Variants in TENM4 observed in about 807,000 individuals in gnomAD.
TENM4 encodes the protein teneurin-4.
In TENM4, 82 loss-of-function variants were observed where a neutral mutation model predicts 243.3. That is an observed-to-expected ratio of 0.34 (90% CI 0.28 to 0.40). The LOEUF is 0.40. TENM4 is among the 10% of genes least tolerant of loss of function. The pLI is 1.00. For synonymous variants in TENM4, 1,412 were observed against 1,456.3 expected, an observed-to-expected ratio of 0.97 and a Z score of 0.69; for missense variants, 3,138 against 3,673.3, an observed-to-expected ratio of 0.85 and a Z score of 3.77.
chr11:79,007,905 T>G (rs2136736182), intron 6 of TENM4, among the ~76,000 whole-genome samples: 1 of 152,284 alleles, frequency 6.6e-6, no homozygotes, highest in Non-Finnish European at 1.5e-5. Context: ...ATCCCTGTCT[T>G]GACTTGATGC....
At position 78,729,615 on chromosome 11, in the gene TENM4, C is replaced by G; in HGVS notation, c.3167G>C (p.Gly1056Ala). The G allele has an allele frequency of 6.2e-7, 1 of 1,612,280 alleles. No homozygotes were observed. Among genetic ancestry groups the G allele is most frequent in the Non-Finnish European group, 8.5e-7 (1 of 1,178,834 alleles). Residue 1056 changes from glycine (G) to alanine (A), a missense_variant, in exon 22 of 34, where the codon GGC (glycine) becomes GCC (alanine). By Grantham distance (60) the Gly-to-Ala change is moderately conservative. Around this residue, in one of 2 missense-constraint regions of TENM4, gnomAD observed 2,467 missense variants for 3,059.1 expected, o/e 0.81. Transcript: ENST00000278550. ...CAGGTAGCTCAGCCTCATCTTGCAG[C>G]CAGAGATAGAGATTTCCTCCTGCAA... Reference protein sequence around the residue: ...QALQEEISISGCKMRLSYLSS... With the variant: ...QALQEEISISACKMRLSYLSS...
intron 6 of TENM4, among the ~76,000 whole-genome samples, chr11:79,041,254 G>A (rs1859519441): frequency 6.6e-6 from 1 of 152,036 alleles, no homozygotes; most frequent in African/African-American, 2.4e-5. Flanking sequence ...AGTAGAGATG[G>A]GGTTTCGCTA....
rs1859324956 is a variant in TENM4 at position 79,438,449 on chromosome 11, C to T, written c.-321+2060G>A. Among the ~76,000 whole-genome samples the T allele has an allele frequency of 6.6e-6, 1 of 152,272 alleles. No homozygotes were observed. The highest frequency in any genetic ancestry group is 6.5e-5 in the Admixed American group (1 of 15,294). Reference sequence around the variant, plus strand: ...CCCAGCCCCATCCCGTCCCCATCAGCGCCGGGCTAGCGCAGGAAACCAGGA... The same window carrying T: ...CCCAGCCCCATCCCGTCCCCATCAGTGCCGGGCTAGCGCAGGAAACCAGGA... On this transcript the variant is annotated intron_variant, in intron 1 of 33. Coordinates refer to ENST00000278550, the MANE Select transcript of TENM4 (RefSeq NM_001098816.3). This position sits in a 1 kb window ranked among gnomAD's most constrained non-coding sequence, Gnocchi z 4.1.
At chr11:79,236,989 A>G (rs553623592) in intron 2 of TENM4, among the ~76,000 whole-genome samples, 13 of 152,298 alleles carry the variant, frequency 8.5e-5, no homozygotes, top group Non-Finnish European at 1.3e-4. Flanking sequence ...ATGCCATGCC[A>G]GGTACTTCTC....
chr11:79,219,929 C>A (rs140126150), intron 2 of TENM4, among the ~76,000 whole-genome samples: 3 of 152,352 alleles, frequency 2.0e-5, no homozygotes, highest in Non-Finnish European at 4.4e-5. Flanking sequence ...ACAACACTGA[C>A]TGCAGAGAAC....
At chr11:79,276,983 C>T (rs1856068196) in intron 2 of TENM4, among the ~76,000 whole-genome samples, 1 of 152,180 alleles carries the variant, frequency 6.6e-6, no homozygotes, top group Non-Finnish European at 1.5e-5. Context: ...CACCCCCAAT[C>T]CTCCTGCCCA....
intron 2 of TENM4, among the ~76,000 whole-genome samples, chr11:79,271,525 G>A (rs139938851): frequency 1.3e-5 from 2 of 152,312 alleles, no homozygotes; most frequent in Admixed American, 6.5e-5. Flanking sequence ...TGGGTAAACA[G>A]TCTGTGTTTG....
intron 12 of TENM4, among the ~76,000 whole-genome samples, chr11:78,823,187 G>A (rs539711134): frequency 6.6e-5 from 10 of 152,318 alleles, no homozygotes; most frequent in African/African-American, 2.4e-4. Flanking sequence ...GGAGAGGCGA[G>A]CGCTCCCGGG....
At chr11:79,123,599 C>CTTT (rs35553883) in intron 4 of TENM4, among the ~76,000 whole-genome samples, 3,689 of 143,704 alleles carry the variant, frequency 0.026, 98 homozygotes, top group Middle Eastern at 0.041. Context: ...GCAGTAGCCC[C>CTTT]TTTTTTTTTT....
At chr11:79,428,626 A>G (rs1859103845) in intron 1 of TENM4, among the ~76,000 whole-genome samples, 1 of 152,224 alleles carries the variant, frequency 6.6e-6, no homozygotes, top group African/African-American at 2.4e-5. Context: ...GGCAAGGGCC[A>G]GGCATTTCCC....
At chr11:79,415,493 T>C (rs796403849) in intron 1 of TENM4, among the ~76,000 whole-genome samples, 3 of 152,312 alleles carry the variant, frequency 2.0e-5, no homozygotes, top group Non-Finnish European at 2.9e-5. Flanking sequence ...GTATATTAAC[T>C]CCTTCAAAGG....
chr11:79,194,969 T>G (rs547718683), intron 3 of TENM4, among the ~76,000 whole-genome samples: 3 of 152,298 alleles, frequency 2.0e-5, no homozygotes, highest in African/African-American at 7.2e-5. Flanking sequence ...CCAAGGTCCC[T>G]GTGCTGTGTG....
intron 2 of TENM4, among the ~76,000 whole-genome samples, chr11:79,228,702 C>T (rs971542709): frequency 1.3e-5 from 2 of 151,352 alleles, no homozygotes; most frequent in African/African-American, 2.4e-5. Context: ...TCATTTTTTT[C>T]TAATTTTAAA....
intron 19 of TENM4, among the ~76,000 whole-genome samples, chr11:78,738,984 CT>C (rs141331039): frequency 0.013 from 1,863 of 147,078 alleles, 24 homozygotes; most frequent in Non-Finnish European, 0.021. Context: ...TTCTTTGAGG[CT>C]TTTTTTTTTC....
At chr11:78,761,416 T>G (rs573339357) in intron 18 of TENM4, among the ~76,000 whole-genome samples, 10 of 152,100 alleles carry the variant, frequency 6.6e-5, no homozygotes, top group Non-Finnish European at 1.5e-4. Flanking sequence ...ATTTATTGTA[T>G]TTTTAGTAGA....
Position 79,311,632 on chromosome 11 carries a change from A to T in TENM4, c.-320-14089T>A, listed in dbSNP as rs753650275. 1.8e-4 allele frequency among the ~76,000 whole-genome samples: 28 copies of T among 152,196 alleles called. 1 individual carries two copies. Among genetic ancestry groups the T allele is most frequent in the Admixed American group, 3.3e-4 (5 of 15,276 alleles). On this transcript the variant is annotated intron_variant, in intron 1 of 33. Transcript: ENST00000278550. ...ATTTATGTGCCTCTTTCTGGTTTAC[A>T]GACTAAAGCCCAGCCCTTGAGCTTA...
intron 7 of TENM4, among the ~76,000 whole-genome samples, chr11:78,893,705 C>T (rs1855719393): frequency 6.6e-6 from 1 of 151,882 alleles, no homozygotes; most frequent in African/African-American, 2.4e-5. Context: ...GCTTCTTACC[C>T]TAACTAAAAT....
chr11:79,002,592 C>G (rs1001498668), intron 6 of TENM4, among the ~76,000 whole-genome samples: 1 of 152,136 alleles, frequency 6.6e-6, no homozygotes, highest in Non-Finnish European at 1.5e-5. Flanking sequence ...GTGAATCCAC[C>G]TTATACCAAA....
intron 20 of TENM4, among the ~76,000 whole-genome samples, chr11:78,737,133 G>A (rs1247352405): frequency 6.6e-6 from 1 of 152,220 alleles, no homozygotes; most frequent in African/African-American, 2.4e-5. Flanking sequence ...GACTCCTTTT[G>A]GATGAATGTT....
Sources: allele counts gnomAD v4.1 joint callset (sites outside exome capture counted in the v4.1 genomes callset), GRCh38; gene constraint gnomAD v4.1.1; regional missense constraint gnomAD v4.1.1; non-coding constraint Gnocchi (gnomAD v3.1); transcripts MANE v1.5; gene names NCBI Gene and HGNC (gene_info 2026-07-23, HGNC 2026-07-21).